The following RBFOX1 variants were observed in gnomAD, a reference collection of about 807,000 sequenced individuals.
RBFOX1 encodes RNA binding fox-1 homolog 1.
A neutral mutation model predicts 57.7 loss-of-function variants in RBFOX1; 8 were observed. The observed-to-expected ratio is 0.14, with a 90% CI of 0.08 to 0.25. The LOEUF (loss-of-function observed/expected upper bound fraction) is 0.25. Ranked by LOEUF, RBFOX1 falls within the 10% of genes least tolerant of loss-of-function variation. The pLI, the probability that RBFOX1 is intolerant of heterozygous loss-of-function variation, is 1.00. For missense variants in RBFOX1, 611 were observed against 548.5 expected (o/e 1.11, Z -1.14); for synonymous variants, 326 against 222.4 (o/e 1.47, Z -4.15).
At chr16:6,603,831 A>C (rs1204222145) in intron 2 of RBFOX1, among the ~76,000 whole-genome samples, 1 of 152,158 alleles carries the variant, frequency 6.6e-6, no homozygotes, top group African/African-American at 2.4e-5. Flanking sequence ...CTTTATAGAC[A>C]TAGACAGTTG....
chr16:7,217,477 G>C (rs555112757), intron 4 of RBFOX1, among the ~76,000 whole-genome samples: 4 of 151,724 alleles, frequency 2.6e-5, no homozygotes, highest in African/African-American at 9.7e-5. Context: ...GTGAATATTT[G>C]GAAGCTTTGT....
chr16:6,710,466 G>C (rs534350793), intron 3 of RBFOX1, among the ~76,000 whole-genome samples: 1 of 151,978 alleles, frequency 6.6e-6, no homozygotes, highest in African/African-American at 2.4e-5. Context: ...TTTATTGTGC[G>C]TTTCATGCTG....
chr16:5,918,673 C>T (rs2058758298), intron 4 of RBFOX1, among the ~76,000 whole-genome samples: 2 of 152,198 alleles, frequency 1.3e-5, no homozygotes, highest in African/African-American at 4.8e-5. Flanking sequence ...GGAAAATGAA[C>T]TCATTCAGTT....
chr16:6,941,308 T>TCCC (rs2078452027), intron 3 of RBFOX1, among the ~76,000 whole-genome samples: 2 of 41,288 alleles, frequency 4.8e-5, no homozygotes, highest in African/African-American at 1.4e-4. Flanking sequence ...CCCTCCTTCC[T>TCCC]TCCTTCCTTC....
At chr16:7,405,358 C>T (rs530108979) in intron 4 of RBFOX1, among the ~76,000 whole-genome samples, 45 of 152,334 alleles carry the variant, frequency 3.0e-4, no homozygotes, top group African/African-American at 1.0e-3. Flanking sequence ...TTAGCAGATG[C>T]AGCAGTTCAC....
chr16:5,522,694 C>G (rs1317806274), intron 2 of RBFOX1, among the ~76,000 whole-genome samples: 1 of 152,190 alleles, frequency 6.6e-6, no homozygotes, highest in African/African-American at 2.4e-5. Flanking sequence ...CCCCCTCACC[C>G]AGACACAACC....
intron 4 of RBFOX1, among the ~76,000 whole-genome samples, chr16:7,225,143 A>ACGG (rs2093011525): frequency 6.6e-6 from 1 of 152,198 alleles, no homozygotes; most frequent in Non-Finnish European, 1.5e-5. Flanking sequence ...CATTGTCATT[A>ACGG]TCTTAAATCC....
intron 3 of RBFOX1, among the ~76,000 whole-genome samples, chr16:5,827,810 C>T (rs2056118176): frequency 6.6e-6 from 1 of 152,078 alleles, no homozygotes; most frequent in African/African-American, 2.4e-5. Flanking sequence ...TTCATTCATT[C>T]ATCCACTCAC....
At chr16:5,570,378 T>C (rs1397921183) in intron 2 of RBFOX1, among the ~76,000 whole-genome samples, 1 of 152,136 alleles carries the variant, frequency 6.6e-6, no homozygotes, top group Non-Finnish European at 1.5e-5. Context: ...GAGGTTTGAA[T>C]AGGAGTTAGT....
At chr16:7,322,952 C>T (rs916084094) in intron 4 of RBFOX1, among the ~76,000 whole-genome samples, 2 of 152,138 alleles carry the variant, frequency 1.3e-5, no homozygotes, top group South Asian at 2.1e-4. Context: ...TTCCCCACTT[C>T]CTGAAGACTC....
chr16:7,314,369 G>C (rs1417969624), intron 4 of RBFOX1, among the ~76,000 whole-genome samples: 3 of 152,196 alleles, frequency 2.0e-5, no homozygotes, highest in African/African-American at 7.2e-5. Flanking sequence ...TTGCCATGCT[G>C]TTTTGCTCAG....
At position 7,253,302 on chromosome 16, in the gene RBFOX1, A is replaced by T. The variant is rs188197740; in HGVS notation, c.27+201204A>T. Among the ~76,000 whole-genome samples, 369 of 152,302 alleles carry T rather than the reference A, an allele frequency of 2.4e-3. 3 individuals carry two copies. The highest frequency in any genetic ancestry group is 6.8e-4 in the Non-Finnish European group (46 of 68,032). ...GTCAGTTCTGTGGAGCTATTCAGAA[A>T]TTCGTGTTGATGTCAGTGGCAACAA... On this transcript the variant is annotated intron_variant, in intron 4 of 15. Coordinates refer to ENST00000550418, the MANE Select transcript of RBFOX1 (RefSeq NM_018723.4).
intron 7 of RBFOX1, among the ~76,000 whole-genome samples, chr16:7,590,591 G>C (rs1204542574): frequency 6.6e-6 from 1 of 152,072 alleles, no homozygotes; most frequent in Non-Finnish European, 1.5e-5. Context: ...CGTGTGCGGT[G>C]GCTCACTCTT....
chr16:6,705,654 A>T (rs1189102234), intron 3 of RBFOX1: 2 of 151,464 alleles, frequency 1.3e-5, no homozygotes, highest in Non-Finnish European at 2.9e-5. Flanking sequence ...AGTGCAAGAA[A>T]GCGCTCACAA....
chr16:7,652,095 C>G (rs2065186174), intron 11 of RBFOX1, among the ~76,000 whole-genome samples: 1 of 151,998 alleles, frequency 6.6e-6, no homozygotes, highest in African/African-American at 2.4e-5. Context: ...ATCAGGCATC[C>G]TCTGCGGACA....
chr16:5,638,939 G>T (rs2048773590), intron 3 of RBFOX1, among the ~76,000 whole-genome samples: 1 of 152,168 alleles, frequency 6.6e-6, no homozygotes, highest in African/African-American at 2.4e-5. Flanking sequence ...CCCCTGCTCT[G>T]TGATTCCTAC....
At chr16:6,469,142 T>C (rs2095117276) in intron 2 of RBFOX1, among the ~76,000 whole-genome samples, 1 of 152,006 alleles carries the variant, frequency 6.6e-6, no homozygotes, top group Non-Finnish European at 1.5e-5. Context: ...TGGAGTTCTG[T>C]CAAAAGAATA....
intron 1 of RBFOX1, among the ~76,000 whole-genome samples, chr16:5,258,479 G>A (rs1216979195): frequency 2.0e-5 from 3 of 152,078 alleles, no homozygotes; most frequent in African/African-American, 7.2e-5. Flanking sequence ...CTCTAAGATC[G>A]AGTTTACATT....
chr16:7,467,265 G>C (rs114476247), intron 4 of RBFOX1, among the ~76,000 whole-genome samples: 158 of 152,252 alleles, frequency 1.0e-3, no homozygotes, highest in African/African-American at 3.4e-3. Flanking sequence ...TCTCAATAGG[G>C]AACAAGTGCT....
Sources: allele counts gnomAD v4.1 joint callset (sites outside exome capture counted in the v4.1 genomes callset), GRCh38; gene constraint gnomAD v4.1.1; transcripts MANE v1.5; gene names NCBI Gene and HGNC (gene_info 2026-07-23, HGNC 2026-07-21).